CPEB1: variants seen among roughly 807,000 people sequenced by gnomAD.
CPEB1 encodes the protein cytoplasmic polyadenylation element-binding protein 1.
Under a neutral mutation model 65.8 loss-of-function variants are expected in CPEB1, and 7 were observed. That is an observed-to-expected ratio of 0.11 (90% CI 0.06 to 0.20). The LOEUF (loss-of-function observed/expected upper bound fraction) is 0.20, where lower values mean the gene tolerates loss of function less well. CPEB1 is among the 10% of genes least tolerant of loss of function. The pLI, the probability that CPEB1 is intolerant of heterozygous loss-of-function variation, is 1.00. For synonymous variants in CPEB1, 262 were observed against 260.0 expected (o/e 1.01, Z -0.08); for missense variants, 551 against 712.2 (o/e 0.77, Z 2.58).
At chr15:82,634,476 TCA>T (rs1429028080) in intron 1 of CPEB1, among the ~76,000 whole-genome samples, 1 of 152,232 alleles carries the variant, frequency 6.6e-6, no homozygotes, top group African/African-American at 2.4e-5. Context: ...TGATTTTTAT[TCA>T]GTTTGCCTTT....
intron 4 of CPEB1, among the ~76,000 whole-genome samples, chr15:82,565,730 C>G (rs139717223): frequency 1.3e-5 from 2 of 152,364 alleles, no homozygotes; most frequent in Non-Finnish European, 2.9e-5. Context: ...AGGCCCTGAC[C>G]TCTTTGCTCT....
chr15:82,611,412 A>C (rs947491806), intron 3 of CPEB1, among the ~76,000 whole-genome samples: 6 of 152,174 alleles, frequency 3.9e-5, no homozygotes, highest in African/African-American at 1.2e-4. Flanking sequence ...GAAATAAATT[A>C]AAACAAAAAA....
chr15:82,643,072 G>A (rs1313046133), intron 1 of CPEB1, among the ~76,000 whole-genome samples: 5 of 152,116 alleles, frequency 3.3e-5, no homozygotes, highest in African/African-American at 4.8e-5. Context: ...AACACCAGCA[G>A]AGAGCTACTT....
intron 3 of CPEB1, among the ~76,000 whole-genome samples, chr15:82,626,438 A>G (rs943242397): frequency 1.3e-5 from 2 of 152,038 alleles, no homozygotes; most frequent in Admixed American, 1.3e-4. Flanking sequence ...GTCCCAAAAA[A>G]CAAAAAGAAA....
At chr15:82,614,879 G>GTGTGTGTA (rs368957489) in intron 3 of CPEB1, among the ~76,000 whole-genome samples, 3 of 113,196 alleles carry the variant, frequency 2.7e-5, no homozygotes, top group Non-Finnish European at 4.1e-5. Context: ...GTGTGTGTGT[G>GTGTGTGTA]TATATATATA....
intron 3 of CPEB1, among the ~76,000 whole-genome samples, chr15:82,591,254 AT>A (rs2151147682): frequency 6.6e-6 from 1 of 151,582 alleles, no homozygotes; most frequent in Non-Finnish European, 1.5e-5. Flanking sequence ...TTTGATTTTC[AT>A]TTGTTTTTTG....
intron 4 of CPEB1, among the ~76,000 whole-genome samples, chr15:82,559,328 G>C (rs1005499229): frequency 1.3e-5 from 2 of 152,190 alleles, no homozygotes; most frequent in South Asian, 2.1e-4. Context: ...TCCCCTTTTG[G>C]ATAAGACATG....
chr15:82,647,587 C>T, upstream of CPEB1: 1 of 319,464 alleles, frequency 3.1e-6, no homozygotes, highest in Non-Finnish European at 5.7e-6. Context: ...GGCCGCAGTG[C>T]GGCTCGGAGG....
chr15:82,599,507 G>A (rs1330367422), intron 3 of CPEB1, among the ~76,000 whole-genome samples: 1 of 151,958 alleles, frequency 6.6e-6, no homozygotes, highest in South Asian at 2.1e-4. Flanking sequence ...AGAACTACTA[G>A]TCCAAATTCT....
intron 3 of CPEB1, among the ~76,000 whole-genome samples, chr15:82,577,543 A>T (rs2040797284): frequency 6.6e-6 from 1 of 152,198 alleles, no homozygotes; most frequent in African/African-American, 2.4e-5. Flanking sequence ...TTTTAGAAAC[A>T]GAATCTTGCT....
intron 1 of CPEB1, among the ~76,000 whole-genome samples, chr15:82,637,070 T>C (rs1289682256): frequency 6.6e-6 from 1 of 152,186 alleles, no homozygotes; most frequent in Non-Finnish European, 1.5e-5. Flanking sequence ...TCTGGCTGCC[T>C]TGATGCAGAA....
intron 3 of CPEB1, among the ~76,000 whole-genome samples, chr15:82,616,289 T>C (rs867022990): frequency 6.6e-6 from 1 of 152,126 alleles, no homozygotes; most frequent in Non-Finnish European, 1.5e-5. Context: ...GTGTATGTTT[T>C]ATTTACATAA....
intron 3 of CPEB1, among the ~76,000 whole-genome samples, chr15:82,620,172 G>C (rs1379087117): frequency 6.6e-6 from 1 of 152,198 alleles, no homozygotes; most frequent in Admixed American, 6.5e-5. Flanking sequence ...ACTTTGGGAA[G>C]CCAAGGCAGG....
At chr15:82,647,727 C>T, upstream of CPEB1, 1 of 853,090 alleles carries the variant, frequency 1.2e-6, no homozygotes, top group Non-Finnish European at 1.5e-6. Flanking sequence ...GTGACCGCGC[C>T]CCGCCCGGGA....
At chr15:82,563,032 C>A (rs1347541198) in intron 4 of CPEB1, among the ~76,000 whole-genome samples, 1 of 152,028 alleles carries the variant, frequency 6.6e-6, no homozygotes, top group African/African-American at 2.4e-5. Context: ...ACACAGTAAC[C>A]ATGAACAAAT....
chr15:82,580,852 T>TC (rs1311860684), intron 3 of CPEB1, among the ~76,000 whole-genome samples: 1 of 151,618 alleles, frequency 6.6e-6, no homozygotes, highest in East Asian at 1.9e-4. Context: ...CCAATTTCTT[T>TC]TTTTTTTTTC....
intron 4 of CPEB1, among the ~76,000 whole-genome samples, chr15:82,567,748 C>T (rs1218860679): frequency 6.6e-6 from 1 of 152,214 alleles, no homozygotes; most frequent in East Asian, 1.9e-4. Flanking sequence ...TTAGACTGCA[C>T]ATCTGGTCTG....
rs190745150 is a variant in CPEB1, at chr15:82,571,941, C to T, written c.272-409G>A. Reference sequence around the variant, plus strand: ...CAGCACAACAGCTACTTGGAATAGTCCCGGTGCAGTGCCGTTAAGTCTGGG... The same window carrying T: ...CAGCACAACAGCTACTTGGAATAGTTCCGGTGCAGTGCCGTTAAGTCTGGG... On this transcript the variant is annotated intron_variant, in intron 3 of 12. Coordinates refer to ENST00000684509, the MANE Select transcript of CPEB1 (RefSeq NM_001365242.1). 7 of 805,626 alleles carry T rather than the reference C, an allele frequency of 8.7e-6. No individual in the cohort carries two copies. In the African/African-American group the frequency reaches 1.1e-4, roughly 13 times the overall value. 49.9% of individuals were successfully genotyped at this position (805,626 alleles called of 1,614,324 possible).
chr15:82,632,520 C>G (rs535204101), intron 1 of CPEB1, among the ~76,000 whole-genome samples: 77 of 152,032 alleles, frequency 5.1e-4, no homozygotes, highest in African/African-American at 1.8e-3. Context: ...CACACACACA[C>G]ACACATTTTT....
Sources: gnomAD v4.1 joint callset for allele counts (sites outside exome capture counted in the v4.1 genomes callset) on GRCh38, gnomAD v4.1.1 for gene constraint, MANE v1.5 for transcripts, NCBI Gene and HGNC (gene_info 2026-07-23, HGNC 2026-07-21) for gene names.